The following RYR3 variants were observed in gnomAD, a reference collection of about 807,000 sequenced individuals.
RYR3 encodes the protein brain ryanodine receptor-calcium release channel.
Under a neutral mutation model 584.3 loss-of-function variants are expected in RYR3, and 207 were observed. The ratio of observed to expected loss-of-function variants is 0.35; its 90% CI spans 0.32 to 0.40. RYR3 has a LOEUF of 0.40. Among genes scored for constraint, RYR3 ranks in the 10% least tolerant of loss-of-function variants. The probability of loss-of-function intolerance (pLI) is 1.00; values close to 1 mark genes in which losing one functional copy is unlikely to be tolerated. For synonymous variants in RYR3, 2,416 were observed against 2,248.5 expected, an observed-to-expected ratio of 1.07 and a Z score of -2.11; for missense variants, 5,616 against 6,089.2, an observed-to-expected ratio of 0.92 and a Z score of 2.59.
At chr15:33,840,252 C>A (rs906404220) in intron 89 of RYR3, among the ~76,000 whole-genome samples, 1 of 152,156 alleles carries the variant, frequency 6.6e-6, no homozygotes, top group South Asian at 2.1e-4. Flanking sequence ...TGGAATTACT[C>A]CTGGAATGAT....
intron 16 of RYR3, among the ~76,000 whole-genome samples, chr15:33,589,520 A>G (rs1175896684): frequency 6.6e-6 from 1 of 152,214 alleles, no homozygotes; most frequent in African/African-American, 2.4e-5. Context: ...CGTCTTAGTC[A>G]TAAATTCTTT....
chr15:33,646,615 A>G, intron 29 of RYR3, 89 bp downstream of exon 29: 1 of 1,181,120 alleles, frequency 8.5e-7, no homozygotes, highest in South Asian at 1.5e-5. Context: ...CAGCATAGGA[A>G]CTCCACTGAT....
intron 2 of RYR3, among the ~76,000 whole-genome samples, chr15:33,496,865 T>C (rs1034131524): frequency 3.9e-5 from 6 of 152,136 alleles, no homozygotes; most frequent in Admixed American, 2.6e-4. Flanking sequence ...TTGAATTTCC[T>C]TTTTTTGTAA....
intron 32 of RYR3, among the ~76,000 whole-genome samples, chr15:33,656,853 C>T (rs1258841608): frequency 1.3e-5 from 2 of 152,222 alleles, no homozygotes; most frequent in Non-Finnish European, 2.9e-5. Flanking sequence ...CTCTGATTTT[C>T]CCTTCTTCCT....
At chr15:33,754,268 G>A (rs1232363528) in intron 57 of RYR3, among the ~76,000 whole-genome samples, 1 of 152,158 alleles carries the variant, frequency 6.6e-6, no homozygotes, top group Non-Finnish European at 1.5e-5. Context: ...ACAGCAACCA[G>A]TGATCCTGTT....
chr15:33,451,609 G>A (rs1432412326), intron 1 of RYR3, among the ~76,000 whole-genome samples: 2 of 152,202 alleles, frequency 1.3e-5, no homozygotes, highest in Non-Finnish European at 2.9e-5. Flanking sequence ...AAAAGAGGCT[G>A]GAAGATCTTC....
intron 1 of RYR3, among the ~76,000 whole-genome samples, chr15:33,434,256 T>C (rs2045463338): frequency 6.6e-6 from 1 of 152,100 alleles, no homozygotes; most frequent in Non-Finnish European, 1.5e-5. Context: ...ACAGTGAAAT[T>C]CATCAGTTGT....
intron 60 of RYR3, among the ~76,000 whole-genome samples, chr15:33,766,366 T>G (rs533516188): frequency 6.7e-6 from 1 of 148,558 alleles, no homozygotes; most frequent in East Asian, 1.9e-4. Context: ...CCCTAATTAC[T>G]TACTCTAAGT....
intron 1 of RYR3, among the ~76,000 whole-genome samples, chr15:33,413,348 CA>C (rs1274858884): frequency 1.3e-5 from 2 of 152,274 alleles, no homozygotes; most frequent in African/African-American, 4.8e-5. Flanking sequence ...GTGTGACTTC[CA>C]AAAAGGTGTG....
intron 74 of RYR3, among the ~76,000 whole-genome samples, chr15:33,814,330 A>T (rs1161049254): frequency 6.6e-6 from 1 of 152,320 alleles, no homozygotes; most frequent in East Asian, 1.9e-4. Flanking sequence ...CAAAGCTGGT[A>T]ATTGAATATC....
chr15:33,372,358 A>ATTTTT (rs59663566), intron 1 of RYR3, among the ~76,000 whole-genome samples: 3 of 75,548 alleles, frequency 4.0e-5, no homozygotes, highest in African/African-American at 6.1e-5. Flanking sequence ...TGCCCGGCTA[A>ATTTTT]TTTTTTTTTT....
At chr15:33,354,685 T>G (rs933580321) in intron 1 of RYR3, among the ~76,000 whole-genome samples, 5 of 152,220 alleles carry the variant, frequency 3.3e-5, no homozygotes, top group Non-Finnish European at 7.3e-5. Flanking sequence ...CTCTCACATA[T>G]ACTCTTTATA....
chr15:33,788,535 G>A, intron 67 of RYR3, 77 bp downstream of exon 67: 5 of 1,534,948 alleles, frequency 3.3e-6, no homozygotes, highest in Non-Finnish European at 3.5e-6. Flanking sequence ...TGGAAAGATG[G>A]TGTTGGGTTG....
intron 3 of RYR3, among the ~76,000 whole-genome samples, chr15:33,511,084 C>G (rs2052942876): frequency 6.6e-6 from 1 of 151,724 alleles, no homozygotes; most frequent in Admixed American, 6.6e-5. Context: ...ATGAGAAATT[C>G]CAAATTGCCT....
intron 11 of RYR3, 49 bp downstream of exon 11, chr15:33,563,059 C>G (rs746564539): frequency 4.1e-5 from 60 of 1,457,064 alleles, no homozygotes; most frequent in Non-Finnish European, 5.5e-5. Flanking sequence ...GAGTTGGAAG[C>G]AACTAGGCAA....
At chr15:33,747,581 C>T (rs972401606) in intron 53 of RYR3, among the ~76,000 whole-genome samples, 6 of 151,936 alleles carry the variant, frequency 3.9e-5, no homozygotes, top group Non-Finnish European at 5.9e-5. Flanking sequence ...TGCACCACTA[C>T]GCACAGCTAA....
At chr15:33,554,291 C>CTTTT (rs71117147) in intron 10 of RYR3, among the ~76,000 whole-genome samples, 6 of 126,508 alleles carry the variant, frequency 4.7e-5, no homozygotes, top group African/African-American at 1.2e-4. Context: ...CCTCCATTAT[C>CTTTT]TTTTTTTTTT....
In RYR3 at chr15:33,730,832, A is replaced by G. The variant is rs2068884278; in HGVS notation, c.7204-642A>G. Among the ~76,000 whole-genome samples the G allele has an allele frequency of 2.6e-5, 4 of 152,348 alleles. No individual in the cohort carries two copies. The South Asian group carries it at 8.3e-4, about 32-fold the overall frequency. On this transcript the variant is annotated intron_variant, in intron 47 of 103. Transcript: ENST00000634891. ...ATGTTAGAGTTGTACAGAAGGTCCC[A>G]AGTTTCTGTTCCTTTTCCACGTTGC...
chr15:33,363,375 T>C (rs112092998), intron 1 of RYR3, among the ~76,000 whole-genome samples: 2,364 of 152,320 alleles, frequency 0.016, 53 homozygotes, highest in African/African-American at 0.054. Context: ...AGGTTGATAA[T>C]GGCTTAAGAG....
Sources: gnomAD v4.1 joint callset for allele counts (sites outside exome capture counted in the v4.1 genomes callset) on GRCh38, gnomAD v4.1.1 for gene constraint, MANE v1.5 for transcripts, NCBI Gene and HGNC (gene_info 2026-07-23, HGNC 2026-07-21) for gene names.